SIPA1L3: variants seen among roughly 807,000 people sequenced by gnomAD.
SIPA1L3 encodes the protein signal-induced proliferation-associated 1-like protein 3.
A neutral mutation model predicts 150.1 loss-of-function variants in SIPA1L3; 59 were observed. The ratio of observed to expected loss-of-function variants is 0.39; its 90% CI spans 0.32 to 0.49. The LOEUF (loss-of-function observed/expected upper bound fraction) is 0.49, where lower values mean the gene tolerates loss of function less well. Among genes scored for constraint, SIPA1L3 ranks in the 20% least tolerant of loss-of-function variants. The probability of loss-of-function intolerance (pLI) is 0.86; values close to 1 mark genes in which losing one functional copy is unlikely to be tolerated. For missense variants in SIPA1L3, 2,211 were observed against 2,489.5 expected (o/e 0.89, Z 2.38); for synonymous variants, 1,070 against 1,077.6 (o/e 0.99, Z 0.14).
chr19:38,140,674 G>A (rs1426551441), intron 10 of SIPA1L3, among the ~76,000 whole-genome samples: 6 of 152,118 alleles, frequency 3.9e-5, no homozygotes, highest in African/African-American at 1.2e-4. Context: ...CCAGGCAGTC[G>A]GAGTCCCTGT....
intron 2 of SIPA1L3, among the ~76,000 whole-genome samples, chr19:38,055,642 T>A (rs1969299026): frequency 6.6e-6 from 1 of 152,202 alleles, no homozygotes. Flanking sequence ...CAGAAGAGGA[T>A]GGGTTTGGAT....
chr19:38,008,974 G>C (rs1037636583), intron 1 of SIPA1L3, among the ~76,000 whole-genome samples: 2 of 152,116 alleles, frequency 1.3e-5, no homozygotes, highest in African/African-American at 2.4e-5. Context: ...TTCTCCAGCT[G>C]TCTGGGGTCC....
intron 1 of SIPA1L3, among the ~76,000 whole-genome samples, chr19:38,018,961 A>C (rs939015445): frequency 4.6e-5 from 7 of 152,162 alleles, no homozygotes; most frequent in African/African-American, 1.7e-4. Context: ...AGGCAAAGTG[A>C]TCGTAACCCC....
At position 38,193,584 on chromosome 19, in the gene SIPA1L3, G is replaced by A; in HGVS notation, c.4644G>A (p.Leu1548=). ...AGCGGACGCTGTCGGACGAGAGCCT[G>A]TGCAGCGGGCGCCGGGAGCCCAGCT... ...GLQRTLSDES[L]CSGRREPSFA... Residue 1548 remains leucine, a synonymous_variant, in exon 18 of 22, where the codon CTG becomes CTA. Coordinates refer to ENST00000222345, the MANE Select transcript of SIPA1L3 (RefSeq NM_015073.3). The A allele has an allele frequency of 6.4e-7, 1 of 1,555,068 alleles. No homozygotes were observed. The highest frequency in any genetic ancestry group is 8.6e-7 in the Non-Finnish European group (1 of 1,161,022).
chr19:38,123,063 G>A lies in SIPA1L3; in HGVS notation c.2868+3181G>A, dbSNP rs949563205. Among the ~76,000 whole-genome samples, 5 of 152,246 alleles carry A rather than the reference G, an allele frequency of 3.3e-5. No homozygotes were observed. The South Asian group carries it at 6.2e-4, about 19-fold the overall frequency. ...AACCGAGTGCAGGCACAAATGCGTC[G>A]TATGCTATAGTGGCCGCAATAGTGA... On this transcript the variant is annotated intron_variant, in intron 9 of 21. Transcript: ENST00000222345.
At chr19:37,997,453 A>T (rs1599881127) in intron 1 of SIPA1L3, among the ~76,000 whole-genome samples, 1 of 151,354 alleles carries the variant, frequency 6.6e-6, no homozygotes, top group East Asian at 2.0e-4. Flanking sequence ...CTGTAGTCTC[A>T]GCTACTCGGG....
At chr19:38,140,037 A>G (rs2145936865) in intron 10 of SIPA1L3, among the ~76,000 whole-genome samples, 1 of 152,352 alleles carries the variant, frequency 6.6e-6, no homozygotes, top group African/African-American at 2.4e-5. Flanking sequence ...TTTTGGGGGA[A>G]CACACATCCA....
chr19:38,009,890 A>T (rs917222090), intron 1 of SIPA1L3, among the ~76,000 whole-genome samples: 2 of 152,226 alleles, frequency 1.3e-5, no homozygotes, highest in African/African-American at 2.4e-5. Flanking sequence ...GCTGTCCAGC[A>T]TGAGGCTTTG....
chr19:38,193,975 A>T (rs993717079), intron 18 of SIPA1L3, among the ~76,000 whole-genome samples, 195 bp downstream of exon 18: 1 of 151,990 alleles, frequency 6.6e-6, no homozygotes, highest in African/African-American at 2.4e-5. Flanking sequence ...GGAGCAAGGG[A>T]TCATTGGCCA....
intron 1 of SIPA1L3, among the ~76,000 whole-genome samples, chr19:37,996,303 G>A (rs1485707258): frequency 1.3e-5 from 2 of 152,176 alleles, no homozygotes; most frequent in African/African-American, 4.8e-5. Context: ...AGAGCTCACT[G>A]CAGCCTCGAC....
rs116882080 is a variant in SIPA1L3 at position 38,068,699 on chromosome 19, A to C, written c.-310-12557A>C. Among the ~76,000 whole-genome samples the C allele has an allele frequency of 9.6e-3, 1,468 of 152,232 alleles. 12 individuals carry two copies. Among genetic ancestry groups the C allele is most frequent in the Non-Finnish European group, 0.016 (1,056 of 68,004 alleles). ...TCATCTCTACAAAAAAAAATTTTTAAGTAAAAAATTAGCCGGTTGTGGTGG... is the reference window on the plus strand; with the variant it reads ...TCATCTCTACAAAAAAAAATTTTTACGTAAAAAATTAGCCGGTTGTGGTGG... On this transcript the variant is annotated intron_variant, in intron 2 of 21. Transcript: ENST00000222345.
intron 6 of SIPA1L3, 64 bp from the exon 7 acceptor site, chr19:38,106,473 C>T (rs375353758): frequency 3.8e-5 from 39 of 1,015,278 alleles, no homozygotes; most frequent in Middle Eastern, 2.0e-4. Flanking sequence ...ACAGATGGTA[C>T]GTGGGATATG....
intron 1 of SIPA1L3, among the ~76,000 whole-genome samples, chr19:37,976,771 T>C (rs1038190427): frequency 6.6e-6 from 1 of 152,146 alleles, no homozygotes; most frequent in African/African-American, 2.4e-5. Flanking sequence ...CAGTGTGTAG[T>C]GTAGAGTATG....
At chr19:38,167,530 G>A (rs1235125382) in intron 15 of SIPA1L3, among the ~76,000 whole-genome samples, 1 of 152,160 alleles carries the variant, frequency 6.6e-6, no homozygotes, top group East Asian at 1.9e-4. Context: ...CTGTCTGAGT[G>A]TTTTAGACCT....
chr19:38,034,434 AGAG>A (rs2145727055), intron 2 of SIPA1L3, among the ~76,000 whole-genome samples: 1 of 149,312 alleles, frequency 6.7e-6, no homozygotes, highest in South Asian at 2.2e-4. Context: ...CCTGCCAGGT[AGAG>A]GAGCTGGGAC....
At chr19:37,981,528 A>T (rs925333274) in intron 1 of SIPA1L3, among the ~76,000 whole-genome samples, 3 of 151,648 alleles carry the variant, frequency 2.0e-5, no homozygotes, top group Non-Finnish European at 4.4e-5. Context: ...TCTGTACTTG[A>T]TTTTTGTCAC....
At chr19:38,036,511 C>A (rs1968792410) in intron 2 of SIPA1L3, among the ~76,000 whole-genome samples, 1 of 152,166 alleles carries the variant, frequency 6.6e-6, no homozygotes, top group Admixed American at 6.5e-5. Flanking sequence ...AGCACAGAGT[C>A]GCAGCTCCGT....
In SIPA1L3 at chr19:38,193,721, A is replaced by C. The variant is rs1972856626; in HGVS notation, c.4781A>C (p.His1594Pro). The part of the protein sequence containing the change: ...LPARRQHQHP[H>P]PPVGPGATPA... The stretch of plus-strand genomic sequence containing the variant: ...GCACGCCGCCAGCACCAGCACCCCC[A>C]CCCGCCCGTCGGCCCCGGTGCCACC... Residue 1594 changes from histidine to proline, a missense_variant, in exon 18 of 22, where the codon CAC (histidine) becomes CCC (proline). Transcript: ENST00000222345. 17 of 1,562,816 alleles carry C rather than the reference A, an allele frequency of 1.1e-5. No homozygotes were observed. Among genetic ancestry groups the C allele is most frequent in the Non-Finnish European group, 1.5e-5 (17 of 1,163,424 alleles).
In SIPA1L3 at chr19:38,078,707, G is replaced by T. The variant is rs146797608; in HGVS notation, c.-310-2549G>T. 7.9e-4 allele frequency among the ~76,000 whole-genome samples: 120 copies of T among 152,322 alleles called. 3 individuals carry two copies. In the East Asian group the frequency reaches 0.017, roughly 22 times the overall value. ...ATCCAGCTCTAGATTCCCAGGGAAA[G>T]AAAAGTTAGAGGTCACCTTGAACCA... On this transcript the variant is annotated intron_variant, in intron 2 of 21. Transcript: ENST00000222345.
Sources: gnomAD v4.1 joint callset for allele counts (sites outside exome capture counted in the v4.1 genomes callset) on GRCh38, gnomAD v4.1.1 for gene constraint, MANE v1.5 for transcripts, NCBI Gene and HGNC (gene_info 2026-07-23, HGNC 2026-07-21) for gene names.